Variants in DLG5 observed in about 807,000 individuals in gnomAD.
DLG5 encodes the protein disks large homolog 5.
Under a neutral mutation model 189.8 loss-of-function variants are expected in DLG5, and 48 were observed. The ratio of observed to expected loss-of-function variants is 0.25; its 90% CI spans 0.20 to 0.32. The LOEUF is 0.32. Among genes scored for constraint, DLG5 ranks in the 10% least tolerant of loss-of-function variants. The probability of loss-of-function intolerance (pLI) is 1.00; values close to 1 mark genes in which losing one functional copy is unlikely to be tolerated. For missense variants in DLG5, 2,160 were observed against 2,544.7 expected (o/e 0.85, Z 3.25); for synonymous variants, 1,016 against 1,054.1 (o/e 0.96, Z 0.70).
intron 7 of DLG5, among the ~76,000 whole-genome samples, chr10:77,840,749 G>C (rs2154576267): frequency 2.0e-5 from 3 of 152,210 alleles, no homozygotes; most frequent in Non-Finnish European, 4.4e-5. Context: ...CGGAGGCCTA[G>C]AGAGGTTCGA....
intron 5 of DLG5, among the ~76,000 whole-genome samples, chr10:77,850,090 C>T (rs1168854916): frequency 6.6e-6 from 1 of 152,116 alleles, no homozygotes; most frequent in Non-Finnish European, 1.5e-5. Context: ...GTATGCAATT[C>T]AGTGTTTAAT....
chr10:77,865,611 G>A (rs1844643464), intron 2 of DLG5, among the ~76,000 whole-genome samples: 2 of 152,084 alleles, frequency 1.3e-5, no homozygotes, highest in South Asian at 2.1e-4. Context: ...AAAGGCTACT[G>A]AGAAATTAGG....
intron 5 of DLG5, chr10:77,845,503 C>T (rs1407726191): frequency 3.3e-5 from 5 of 151,954 alleles, no homozygotes; most frequent in African/African-American, 1.2e-4. Flanking sequence ...ATCATAGCAA[C>T]AAGAAAGTAA....
At chr10:77,842,606 T>C (rs1416064792) in intron 6 of DLG5, among the ~76,000 whole-genome samples, 1 of 152,168 alleles carries the variant, frequency 6.6e-6, no homozygotes, top group African/African-American at 2.4e-5. Context: ...GGTCATCAAG[T>C]TCGCTCGAAG....
intron 1 of DLG5, among the ~76,000 whole-genome samples, chr10:77,900,860 G>A (rs191561162): frequency 8.5e-5 from 13 of 152,276 alleles, no homozygotes; most frequent in Admixed American, 5.9e-4. Flanking sequence ...GCTTGAACCC[G>A]GGAGGCGGAG....
chr10:77,886,465 C>A (rs1845444604), intron 1 of DLG5, among the ~76,000 whole-genome samples: 1 of 150,746 alleles, frequency 6.6e-6, no homozygotes. Flanking sequence ...CTCCCAGGTT[C>A]GCCTCAACCT....
In DLG5 at chr10:77,843,586, C is replaced by T. The variant is rs1278961219; in HGVS notation, c.985G>A (p.Ala329Thr). Residue 329 changes from alanine to threonine, a missense_variant, in exon 6 of 32, where the codon GCC becomes ACC. Coordinates refer to ENST00000372391, the MANE Select transcript of DLG5 (RefSeq NM_004747.4). ...CGGCTCAGGTCTGCATTGTGGATGG[C>T]GACTTTCTCACTGTACCTCTTCCGA... ...ALRKRYSEKVAIHNADLSRLE... is the reference protein window; with the variant it reads ...ALRKRYSEKVTIHNADLSRLE... 4 of 1,614,094 alleles carry T rather than the reference C, an allele frequency of 2.5e-6. No individual in the cohort carries two copies. Among genetic ancestry groups the T allele is most frequent in the Admixed American group, 1.7e-5 (1 of 60,000 alleles).
chr10:77,896,143 T>C (rs1845751235), intron 1 of DLG5, among the ~76,000 whole-genome samples: 1 of 76,024 alleles, frequency 1.3e-5, no homozygotes. Context: ...AGACTGTGTC[T>C]CAAAAAAAAA....
intron 1 of DLG5, among the ~76,000 whole-genome samples, chr10:77,925,369 T>C (rs1050525103): frequency 6.6e-6 from 1 of 152,078 alleles, no homozygotes; most frequent in African/African-American, 2.4e-5. Flanking sequence ...CCAGCTGCCT[T>C]GTCTAAAAAG....
At chr10:77,893,257 G>A (rs1845662873) in intron 1 of DLG5, among the ~76,000 whole-genome samples, 1 of 152,244 alleles carries the variant, frequency 6.6e-6, no homozygotes, top group African/African-American at 2.4e-5. Context: ...AGGTGAAAGT[G>A]CACTGAAGAC....
chr10:77,855,426 A>G (rs1328036988), intron 3 of DLG5, among the ~76,000 whole-genome samples: 1 of 152,266 alleles, frequency 6.6e-6, no homozygotes, highest in Non-Finnish European at 1.5e-5. Flanking sequence ...TTTCTAGAGC[A>G]GAGGTCAGCA....
intron 1 of DLG5, among the ~76,000 whole-genome samples, chr10:77,870,285 T>C (rs1027567292): frequency 6.6e-6 from 1 of 152,156 alleles, no homozygotes; most frequent in African/African-American, 2.4e-5. Context: ...GATGGAATTT[T>C]TGCAATAAGG....
chr10:77,801,840 G>A (rs1322855143), intron 27 of DLG5, among the ~76,000 whole-genome samples: 2 of 152,266 alleles, frequency 1.3e-5, no homozygotes, highest in South Asian at 4.1e-4. Flanking sequence ...GATCCCATGA[G>A]CATTACACCT....
intron 2 of DLG5, among the ~76,000 whole-genome samples, chr10:77,864,607 A>G (rs1446340648): frequency 6.6e-6 from 1 of 152,196 alleles, no homozygotes; most frequent in Admixed American, 6.5e-5. Context: ...AAACCCTGGG[A>G]GTAAGTCCCT....
chr10:77,807,697 G>A, intron 25 of DLG5, 99 bp downstream of exon 25: 3 of 1,390,310 alleles, frequency 2.2e-6, no homozygotes, highest in South Asian at 2.7e-5. Flanking sequence ...CCCAGCCTTG[G>A]GGGGCAAGAA....
chr10:77,791,824 A>C lies in DLG5; in HGVS notation c.*616T>G, dbSNP rs1273544977. On this transcript the variant is annotated 3_prime_UTR_variant, in exon 32 of 32. Transcript: ENST00000372391. ...AAGTCACCTTCCCCATTGTGGGAGG[A>C]AAATGCCAAAGGCACTGGTTCTGCT... 4 of 153,256 alleles carry C rather than the reference A, an allele frequency of 2.6e-5. No homozygotes were observed. The highest frequency in any genetic ancestry group is 9.6e-5 in the African/African-American group (4 of 41,494). The allele number at this position is 153,256 out of a possible 1,614,324, so 9.5% of individuals were successfully genotyped here.
intron 1 of DLG5, among the ~76,000 whole-genome samples, chr10:77,920,194 A>G (rs148316138): frequency 5.9e-5 from 9 of 152,324 alleles, no homozygotes; most frequent in Admixed American, 2.0e-4. Flanking sequence ...CTGTTGTGCT[A>G]TATTACTCAG....
At chr10:77,852,300 C>T (rs1177863722) in intron 5 of DLG5, among the ~76,000 whole-genome samples, 3 of 151,922 alleles carry the variant, frequency 2.0e-5, no homozygotes, top group Admixed American at 6.5e-5. Context: ...GAACCCAGGA[C>T]GCAGAGGTTG....
chr10:77,795,391 C>T (rs893197314), intron 29 of DLG5, among the ~76,000 whole-genome samples: 3 of 152,214 alleles, frequency 2.0e-5, no homozygotes, highest in Middle Eastern at 3.4e-3. Context: ...AGTGCAGGCC[C>T]GTGCACTCCC....
Sources: allele counts gnomAD v4.1 joint callset (sites outside exome capture counted in the v4.1 genomes callset), GRCh38; gene constraint gnomAD v4.1.1; transcripts MANE v1.5; gene names NCBI Gene and HGNC (gene_info 2026-07-23, HGNC 2026-07-21).